The following SUPT3H variants were observed in gnomAD, a reference collection of about 807,000 sequenced individuals.
The protein encoded by SUPT3H is transcription initiation protein SPT3 homolog.
SUPT3H carries 44 observed loss-of-function variants against 44.3 expected under a neutral mutation model. That is an observed-to-expected ratio of 0.99 (90% CI 0.78 to 1.28). The LOEUF is 1.28. Ranked by LOEUF, SUPT3H falls within the 50% of genes most tolerant of loss-of-function variation. The probability of loss-of-function intolerance (pLI) is 0.00; values close to 1 mark genes in which losing one functional copy is unlikely to be tolerated. For missense variants in SUPT3H, 380 were observed against 387.1 expected (o/e 0.98, Z 0.15); for synonymous variants, 124 against 125.6 (o/e 0.99, Z 0.09).
chr6:44,884,726 C>T (rs1364022864), intron 10 of SUPT3H, among the ~76,000 whole-genome samples: 1 of 152,102 alleles, frequency 6.6e-6, no homozygotes. Flanking sequence ...ATCTGAGGTA[C>T]CGGGTTCATC....
At chr6:45,052,150 G>A (rs975209779) in intron 3 of SUPT3H, among the ~76,000 whole-genome samples, 4 of 152,140 alleles carry the variant, frequency 2.6e-5, no homozygotes, top group African/African-American at 4.8e-5. Flanking sequence ...TTACAAGGAG[G>A]TGCACAAAAA....
intron 2 of SUPT3H, among the ~76,000 whole-genome samples, chr6:45,151,240 T>C: frequency 6.6e-6 from 1 of 152,246 alleles, no homozygotes; most frequent in East Asian, 1.9e-4. Flanking sequence ...TAATAAATTT[T>C]AGTACTTATA....
intron 3 of SUPT3H, among the ~76,000 whole-genome samples, chr6:45,062,235 A>G (rs1202419790): frequency 6.6e-6 from 1 of 152,166 alleles, no homozygotes; most frequent in East Asian, 1.9e-4. Flanking sequence ...CATCTTAGAA[A>G]GTAATTTACA....
At chr6:45,342,537 G>A (rs553894864) in intron 2 of SUPT3H, among the ~76,000 whole-genome samples, 74 of 152,228 alleles carry the variant, frequency 4.9e-4, no homozygotes, top group African/African-American at 1.7e-3. Flanking sequence ...GCGATTACAC[G>A]CATAAGCCAC....
intron 2 of SUPT3H, among the ~76,000 whole-genome samples, chr6:45,174,708 A>G (rs182559641): frequency 1.2e-3 from 178 of 152,246 alleles, no homozygotes; most frequent in Non-Finnish European, 2.3e-3. Context: ...AAAGTTTTAT[A>G]TCTCATCTTC....
intron 2 of SUPT3H, among the ~76,000 whole-genome samples, chr6:45,275,267 T>C (rs1776828532): frequency 6.6e-6 from 1 of 152,154 alleles, no homozygotes; most frequent in Non-Finnish European, 1.5e-5. Flanking sequence ...TATTTCTTGG[T>C]CTGCTTACTT....
chr6:45,060,026 T>A (rs1439685533), intron 3 of SUPT3H, among the ~76,000 whole-genome samples: 2 of 152,036 alleles, frequency 1.3e-5, no homozygotes, highest in Non-Finnish European at 2.9e-5. Flanking sequence ...GTACCCAAAG[T>A]AATTTATGAA....
At chr6:45,280,054 C>G (rs73735340) in intron 2 of SUPT3H, among the ~76,000 whole-genome samples, 2 of 152,140 alleles carry the variant, frequency 1.3e-5, no homozygotes, top group African/African-American at 4.8e-5. Context: ...AGCAAATTAT[C>G]TTGACTCTTT....
At chr6:44,868,562 T>G (rs1775869632) in intron 10 of SUPT3H, among the ~76,000 whole-genome samples, 1 of 68,902 alleles carries the variant, frequency 1.5e-5, no homozygotes, top group Non-Finnish European at 4.3e-5. Flanking sequence ...CTATGGACTC[T>G]GTTCAGCTGC....
chr6:45,169,916 T>C (rs1810501631), intron 2 of SUPT3H, among the ~76,000 whole-genome samples: 2 of 152,144 alleles, frequency 1.3e-5, no homozygotes, highest in South Asian at 4.1e-4. Flanking sequence ...AACCAGTATA[T>C]AAAGAAGATG....
Position 45,177,387 on chromosome 6 carries a change from C to T in SUPT3H, c.102-71381G>A, listed in dbSNP as rs965985176. On this transcript the variant is annotated intron_variant, in intron 2 of 10. Coordinates refer to ENST00000371459, the MANE Select transcript of SUPT3H (RefSeq NM_003599.4). ...TTAGAGAAAAAAGAATAAAAAGAAACGAGTAAAGCCTCCAAGAAATATGGG... is the reference window on the plus strand; with the variant it reads ...TTAGAGAAAAAAGAATAAAAAGAAATGAGTAAAGCCTCCAAGAAATATGGG... Among the ~76,000 whole-genome samples the T allele has an allele frequency of 3.0e-4, 45 of 151,996 alleles. 1 individual carries two copies. Among genetic ancestry groups the T allele is most frequent in the Admixed American group, 1.0e-3 (16 of 15,260 alleles).
At chr6:45,222,836 C>T (rs940004973) in intron 2 of SUPT3H, among the ~76,000 whole-genome samples, 3 of 152,056 alleles carry the variant, frequency 2.0e-5, no homozygotes, top group Non-Finnish European at 4.4e-5. Context: ...CTGGTACATC[C>T]ACACCATGGA....
chr6:44,979,443 G>A lies in SUPT3H; in HGVS notation c.505-17615C>T, dbSNP rs1008272170. Among the ~76,000 whole-genome samples, 27 of 152,072 alleles carry A rather than the reference G, an allele frequency of 1.8e-4. 1 individual carries two copies. Among genetic ancestry groups the A allele is most frequent in the Admixed American group, 1.8e-3 (27 of 15,258 alleles). ...TAACACTTGGCCTATGGTTATGATTGTTCTTTGAAAATCATAAACCATGAC... is the reference window on the plus strand; with the variant it reads ...TAACACTTGGCCTATGGTTATGATTATTCTTTGAAAATCATAAACCATGAC... On this transcript the variant is annotated intron_variant, in intron 6 of 10. Transcript: ENST00000371459.
intron 5 of SUPT3H, among the ~76,000 whole-genome samples, chr6:45,010,348 G>C (rs1171546061): frequency 2.0e-5 from 3 of 151,878 alleles, no homozygotes; most frequent in East Asian, 3.9e-4. Flanking sequence ...CTAAACACCT[G>C]GCTAAAACCT....
intron 2 of SUPT3H, among the ~76,000 whole-genome samples, chr6:45,128,829 G>A (rs187823707): frequency 2.0e-5 from 3 of 151,498 alleles, no homozygotes; most frequent in South Asian, 2.1e-4. Flanking sequence ...GGGATTACAC[G>A]CATGTGCCAC....
chr6:44,987,027 G>A (rs1779889114), intron 6 of SUPT3H, among the ~76,000 whole-genome samples: 1 of 152,080 alleles, frequency 6.6e-6, no homozygotes, highest in South Asian at 2.1e-4. Flanking sequence ...TCCCGGTTCT[G>A]AAGGCTAGAG....
At chr6:44,942,332 T>C (rs1772583231) in intron 9 of SUPT3H, among the ~76,000 whole-genome samples, 1 of 152,032 alleles carries the variant, frequency 6.6e-6, no homozygotes, top group Non-Finnish European at 1.5e-5. Flanking sequence ...CACTGTAGAC[T>C]GATCAAAACC....
chr6:44,898,754 A>G lies in SUPT3H; in HGVS notation c.912+33899T>C, dbSNP rs1764501342. 3 of 152,292 alleles carry G rather than the reference A, an allele frequency of 2.0e-5. No homozygotes were observed. The South Asian group carries it at 6.2e-4, about 31-fold the overall frequency. The allele number at this position is 152,292 out of a possible 1,614,324, so 9.4% of individuals were successfully genotyped here. On this transcript the variant is annotated intron_variant, in intron 10 of 10. Transcript: ENST00000371459. ...GCACAGCGTGACACCTGGGCGCTGC[A>G]TGACAGGAGCAGCCGGCTCACGCCT...
At chr6:45,263,505 TGG>T in intron 2 of SUPT3H, among the ~76,000 whole-genome samples, 1 of 152,084 alleles carries the variant, frequency 6.6e-6, no homozygotes, top group East Asian at 1.9e-4. Flanking sequence ...GAGTTGGGTA[TGG>T]GTTGAAAAAC....
Sources: allele counts gnomAD v4.1 joint callset (sites outside exome capture counted in the v4.1 genomes callset), GRCh38; gene constraint gnomAD v4.1.1; transcripts MANE v1.5; gene names NCBI Gene and HGNC (gene_info 2026-07-23, HGNC 2026-07-21).